Variants in KIRREL3 observed in about 807,000 individuals in gnomAD.
The protein encoded by KIRREL3 is kirre like nephrin family adhesion molecule 3.
KIRREL3 carries 36 observed loss-of-function variants against 89.7 expected under a neutral mutation model. The ratio of observed to expected loss-of-function variants is 0.40; its 90% CI spans 0.31 to 0.53. The LOEUF (loss-of-function observed/expected upper bound fraction) is 0.53, where lower values mean the gene tolerates loss of function less well. KIRREL3 is among the 20% of genes least tolerant of loss of function. The probability of loss-of-function intolerance (pLI) is 0.49; values close to 1 mark genes in which losing one functional copy is unlikely to be tolerated. For missense variants in KIRREL3, 864 were observed against 1,056.6 expected, an observed-to-expected ratio of 0.82 and a Z score of 2.53; for synonymous variants, 445 against 441.4, an observed-to-expected ratio of 1.01 and a Z score of -0.10.
At chr11:126,925,765 C>A (rs1384121776) in intron 1 of KIRREL3, among the ~76,000 whole-genome samples, 1 of 152,234 alleles carries the variant, frequency 6.6e-6, no homozygotes, top group Non-Finnish European at 1.5e-5. Context: ...GCCACAGGTG[C>A]CAGGCAGCAT....
chr11:127,000,376 C>G lies in KIRREL3; in HGVS notation c.55+79G>C, dbSNP rs1379462023. On this transcript the variant is annotated intron_variant, in intron 1 of 16. Transcript: ENST00000525144. The surrounding 1 kb of genome is among the most constrained non-coding windows in gnomAD (Gnocchi z 7.1). ...ATCAGTCCGAGTTCCCGAAGCCTGC[C>G]CACGTTCCTGCCCACAGCCTCCCGC... is the stretch of plus-strand genomic sequence containing the variant. 7.9e-7 allele frequency: 1 copy of G among 1,262,806 alleles called. No individual in the cohort carries two copies. The highest frequency in any genetic ancestry group is 1.1e-6 in the Non-Finnish European group (1 of 898,716). The allele number at this position is 1,262,806 out of a possible 1,614,324, so 78.2% of individuals were successfully genotyped here.
Position 126,685,609 on chromosome 11 carries a change from C to T in KIRREL3, c.56-122697G>A, listed in dbSNP as rs1382367828. ...TTCCCCTGCCAGGGCAGGCTTGGCA[C>T]TTCCCAGGATTACAGTCATAATGGT... is the stretch of plus-strand genomic sequence containing the variant. On this transcript the variant is annotated intron_variant, in intron 1 of 16. Transcript: ENST00000525144. The surrounding 1 kb of genome is among the most constrained non-coding windows in gnomAD (Gnocchi z 5.5). 1.3e-5 allele frequency among the ~76,000 whole-genome samples: 2 copies of T among 152,338 alleles called. No homozygotes were observed. Among genetic ancestry groups the T allele is most frequent in the Non-Finnish European group, 2.9e-5 (2 of 68,032 alleles).
intron 1 of KIRREL3, among the ~76,000 whole-genome samples, chr11:126,826,568 G>A (rs1311658730): frequency 6.6e-6 from 1 of 152,040 alleles, no homozygotes; most frequent in Non-Finnish European, 1.5e-5. Flanking sequence ...GATCTTCCAC[G>A]TTCTGCGTGG....
rs976921346 is a variant in KIRREL3, at chr11:126,627,406, T to A, written c.56-64494A>T. Among the ~76,000 whole-genome samples the A allele has an allele frequency of 3.9e-5, 6 of 152,182 alleles. No homozygotes were observed. Among genetic ancestry groups the A allele is most frequent in the Non-Finnish European group, 5.9e-5 (4 of 68,026 alleles). On this transcript the variant is annotated intron_variant, in intron 1 of 16. Coordinates refer to ENST00000525144, the MANE Select transcript of KIRREL3 (RefSeq NM_032531.4). The surrounding 1 kb of genome is among the most constrained non-coding windows in gnomAD (Gnocchi z 5.0). ...TTTAGGCAAACCTTATTGCTTAGGC[T>A]GGCTTTTGGGTGGTCCTTGCTGGGA...
In KIRREL3 at chr11:126,571,986, C is replaced by T. The variant is rs1940965905; in HGVS notation, c.56-9074G>A. Among the ~76,000 whole-genome samples the T allele has an allele frequency of 6.6e-6, 1 of 152,322 alleles. No homozygotes were observed. Among genetic ancestry groups the T allele is most frequent in the Non-Finnish European group, 1.5e-5 (1 of 68,028 alleles). Reference sequence around the variant, plus strand: ...ACAGGGGCTGCCAAAAGCCATATGCCTGAGGGCTGTTAGACTTTTCCTAAC... The same window carrying T: ...ACAGGGGCTGCCAAAAGCCATATGCTTGAGGGCTGTTAGACTTTTCCTAAC... On this transcript the variant is annotated intron_variant, in intron 1 of 16. Transcript: ENST00000525144. This position sits in a 1 kb window ranked among gnomAD's most constrained non-coding sequence, Gnocchi z 7.7.
chr11:126,471,262 C>G lies in KIRREL3; in HGVS notation c.591+2047G>C, dbSNP rs1956883097. Among the ~76,000 whole-genome samples the G allele has an allele frequency of 6.6e-6, 1 of 152,012 alleles. No homozygotes were observed. The highest frequency in any genetic ancestry group is 1.5e-5 in the Non-Finnish European group (1 of 68,006). ...GCACACGCCTGCAATCCCAGCTATT[C>G]TGGAGGCTGAGGCAGGAGAATCACT... On this transcript the variant is annotated intron_variant, in intron 5 of 16. Transcript: ENST00000525144. The surrounding 1 kb of genome is among the most constrained non-coding windows in gnomAD (Gnocchi z 5.4).
At position 126,763,196 on chromosome 11, in the gene KIRREL3, C is replaced by T. The variant is rs569678973; in HGVS notation, c.56-200284G>A. ...CAAGCTGTGTGATCTTGAACAACTC[C>T]TCTTCTCCCTGAGCAAAATGAGGGG... On this transcript the variant is annotated intron_variant, in intron 1 of 16. Transcript: ENST00000525144. The surrounding 1 kb of genome is among the most constrained non-coding windows in gnomAD (Gnocchi z 4.7). 6.6e-6 allele frequency among the ~76,000 whole-genome samples: 1 copy of T among 152,304 alleles called. No homozygotes were observed. Among genetic ancestry groups the T allele is most frequent in the East Asian group, 1.9e-4 (1 of 5,182 alleles).
At chr11:126,453,216 C>A (rs1242916269) in intron 7 of KIRREL3, among the ~76,000 whole-genome samples, 1 of 152,162 alleles carries the variant, frequency 6.6e-6, no homozygotes, top group Non-Finnish European at 1.5e-5. Context: ...CGTGTCACAG[C>A]CGCCAGGTTG....
Position 126,709,135 on chromosome 11 carries a change from G to T in KIRREL3, c.56-146223C>A, listed in dbSNP as rs1445266523. On this transcript the variant is annotated intron_variant, in intron 1 of 16. Coordinates refer to ENST00000525144, the MANE Select transcript of KIRREL3 (RefSeq NM_032531.4). This position sits in a 1 kb window ranked among gnomAD's most constrained non-coding sequence, Gnocchi z 4.0. ...GGTCACTGTGTTACGCTATGTGCTT[G>T]TTTCATTTAATACCGTCAACGACCA... Among the ~76,000 whole-genome samples the T allele has an allele frequency of 6.6e-6, 1 of 152,214 alleles. No individual in the cohort carries two copies. The highest frequency in any genetic ancestry group is 2.1e-4 in the South Asian group (1 of 4,830).
At chr11:126,810,920 C>G (rs1201310002) in intron 1 of KIRREL3, among the ~76,000 whole-genome samples, 1 of 152,174 alleles carries the variant, frequency 6.6e-6, no homozygotes, top group Admixed American at 6.5e-5. Context: ...CCCGGGCTCT[C>G]TCCCTGACAG....
chr11:126,904,091 C>T lies in KIRREL3; in HGVS notation c.55+96364G>A, dbSNP rs1374673807. 1.3e-5 allele frequency among the ~76,000 whole-genome samples: 2 copies of T among 152,160 alleles called. No individual in the cohort carries two copies. Among genetic ancestry groups the T allele is most frequent in the African/African-American group, 4.8e-5 (2 of 41,430 alleles). On this transcript the variant is annotated intron_variant, in intron 1 of 16. Transcript: ENST00000525144. This position sits in a 1 kb window ranked among gnomAD's most constrained non-coding sequence, Gnocchi z 4.4. ...GATTACAAGACCCTGAAGGTCCTTT[C>T]CAACTCTAAATTGCTATGATTTTAT...
In KIRREL3 at chr11:126,475,117, G is replaced by A. The variant is rs1225204102; in HGVS notation, c.434-1651C>T. Among the ~76,000 whole-genome samples the A allele has an allele frequency of 6.6e-6, 1 of 152,188 alleles. No individual in the cohort carries two copies. The highest frequency in any genetic ancestry group is 6.5e-5 in the Admixed American group (1 of 15,282). ...AACACAGAAGGGGTAGTTGGATAAC[G>A]GGGGCGTGGGAACCTAGCACAAAGG... On this transcript the variant is annotated intron_variant, in intron 4 of 16. Coordinates refer to ENST00000525144, the MANE Select transcript of KIRREL3 (RefSeq NM_032531.4). This position sits in a 1 kb window ranked among gnomAD's most constrained non-coding sequence, Gnocchi z 7.5.
intron 1 of KIRREL3, among the ~76,000 whole-genome samples, chr11:126,972,204 G>GAGAGAGAGA (rs1555110558): frequency 5.0e-4 from 74 of 146,540 alleles, no homozygotes; most frequent in Middle Eastern, 3.6e-3. Context: ...GAGAGAGAGA[G>GAGAGAGAGA]GACTGTGCAT....
At chr11:126,916,221 A>T (rs1304375272) in intron 1 of KIRREL3, among the ~76,000 whole-genome samples, 5 of 152,186 alleles carry the variant, frequency 3.3e-5, no homozygotes, top group Non-Finnish European at 2.9e-5. Flanking sequence ...TCAGTGGTAA[A>T]ACTGGAGTAG....
chr11:126,606,874 T>C lies in KIRREL3; in HGVS notation c.56-43962A>G, dbSNP rs2134772673. ...TAAAGATGGGAAGGGATTTGGGGGG[T>C]CAAGGGAGGACTCTGGATGGGAAAG... On this transcript the variant is annotated intron_variant, in intron 1 of 16. Transcript: ENST00000525144. The surrounding 1 kb of genome is among the most constrained non-coding windows in gnomAD (Gnocchi z 4.6). Among the ~76,000 whole-genome samples, 2 of 148,124 alleles carry C rather than the reference T, an allele frequency of 1.4e-5. No individual in the cohort carries two copies. The highest frequency in any genetic ancestry group is 3.0e-5 in the Non-Finnish European group (2 of 67,248).
chr11:126,760,442 C>A (rs1949634400), intron 1 of KIRREL3, among the ~76,000 whole-genome samples: 1 of 152,156 alleles, frequency 6.6e-6, no homozygotes, highest in Admixed American at 6.5e-5. Context: ...CAACAAATAC[C>A]CCATTCATTT....
At chr11:126,604,931 A>G (rs1942825977) in intron 1 of KIRREL3, among the ~76,000 whole-genome samples, 5 of 152,220 alleles carry the variant, frequency 3.3e-5, no homozygotes, top group Admixed American at 3.3e-4. Context: ...GGCTGATGCT[A>G]TCTCCCTCAT....
At chr11:126,984,457 G>A (rs1949801013) in intron 1 of KIRREL3, among the ~76,000 whole-genome samples, 1 of 152,144 alleles carries the variant, frequency 6.6e-6, no homozygotes, top group African/African-American at 2.4e-5. Context: ...ACACTTCATG[G>A]CAGATGCAGT....
Position 126,550,944 on chromosome 11 carries a change from C to T in KIRREL3, c.133+11891G>A, listed in dbSNP as rs940339681. ...CCCCAAGACTTCCCCCACACCCTGG[C>T]ACCTGTCACAAGTTCAGGCTTCCAG... On this transcript the variant is annotated intron_variant, in intron 2 of 16. Coordinates refer to ENST00000525144, the MANE Select transcript of KIRREL3 (RefSeq NM_032531.4). The surrounding 1 kb of genome is among the most constrained non-coding windows in gnomAD (Gnocchi z 4.9). Among the ~76,000 whole-genome samples, 2 of 152,186 alleles carry T rather than the reference C, an allele frequency of 1.3e-5. No homozygotes were observed. Among genetic ancestry groups the T allele is most frequent in the East Asian group, 3.9e-4 (2 of 5,190 alleles).
Sources: gnomAD v4.1 joint callset for allele counts (sites outside exome capture counted in the v4.1 genomes callset) on GRCh38, gnomAD v4.1.1 for gene constraint, Gnocchi (gnomAD v3.1) non-coding constraint, MANE v1.5 for transcripts, NCBI Gene and HGNC (gene_info 2026-07-23, HGNC 2026-07-21) for gene names.